RNF216: variants seen among roughly 807,000 people sequenced by gnomAD.
RNF216 encodes the protein E3 ubiquitin-protein ligase RNF216.
A neutral mutation model predicts 110.8 loss-of-function variants in RNF216; 72 were observed. The ratio of observed to expected loss-of-function variants is 0.65; its 90% CI spans 0.54 to 0.79. The LOEUF (loss-of-function observed/expected upper bound fraction) is 0.79, where lower values mean the gene tolerates loss of function less well. Ranked by LOEUF, RNF216 falls within the 30% of genes least tolerant of loss-of-function variation. The pLI, the probability that RNF216 is intolerant of heterozygous loss-of-function variation, is 0.00. For missense variants in RNF216, 1,342 were observed against 1,141.2 expected, an observed-to-expected ratio of 1.18 and a Z score of -2.54; for synonymous variants, 495 against 407.5, an observed-to-expected ratio of 1.21 and a Z score of -2.59.
intron 15 of RNF216, among the ~76,000 whole-genome samples, chr7:5,635,997 A>T (rs141666546): frequency 9.4e-4 from 143 of 152,338 alleles, no homozygotes; most frequent in African/African-American, 3.3e-3. Flanking sequence ...CTCGTAGCCA[A>T]AACCCAAGAC....
chr7:5,674,693 G>C (rs1790154245), intron 13 of RNF216, among the ~76,000 whole-genome samples: 1 of 151,960 alleles, frequency 6.6e-6, no homozygotes, highest in Admixed American at 6.6e-5. Flanking sequence ...TCCAAAAAGA[G>C]GTGACACTCA....
intron 1 of RNF216, chr7:5,777,353 G>C (rs955341531): frequency 2.0e-5 from 3 of 152,240 alleles, no homozygotes; most frequent in Non-Finnish European, 4.4e-5. Context: ...AACTGAAACA[G>C]AGCTCAGATT....
intron 13 of RNF216, among the ~76,000 whole-genome samples, chr7:5,686,708 T>C (rs1791008610): frequency 6.6e-6 from 1 of 152,240 alleles, no homozygotes; most frequent in African/African-American, 2.4e-5. Flanking sequence ...AATGACATAT[T>C]ACCTACAGAA....
chr7:5,652,316 C>T lies in RNF216; in HGVS notation c.2159+97G>A, dbSNP rs564385480. On this transcript the variant is annotated intron_variant, in intron 14 of 16. Coordinates refer to ENST00000389902, the MANE Select transcript of RNF216 (RefSeq NM_207111.4). ...TCACTCCAGACTGGGGTGGCTCAAG[C>T]GTGTTCTTCCGACAACAGTATGCCC... 49 of 859,104 alleles carry T rather than the reference C, an allele frequency of 5.7e-5. No homozygotes were observed. The East Asian group carries it at 1.0e-3, about 17-fold the overall frequency. 53.2% of individuals were successfully genotyped at this position (859,104 alleles called of 1,614,324 possible).
At chr7:5,677,557 C>T (rs1790381963) in intron 13 of RNF216, among the ~76,000 whole-genome samples, 2 of 152,216 alleles carry the variant, frequency 1.3e-5, no homozygotes, top group African/African-American at 4.8e-5. Flanking sequence ...ACAAAGGGAC[C>T]ATCCTAAGCA....
intron 13 of RNF216, among the ~76,000 whole-genome samples, chr7:5,676,696 C>T (rs1790320353): frequency 2.0e-5 from 3 of 152,206 alleles, no homozygotes; most frequent in Admixed American, 2.0e-4. Context: ...CCCCCTATGC[C>T]CCTATTCTTA....
intron 15 of RNF216, among the ~76,000 whole-genome samples, chr7:5,634,149 T>C (rs754828823): frequency 6.6e-6 from 1 of 152,192 alleles, no homozygotes; most frequent in Non-Finnish European, 1.5e-5. Flanking sequence ...TTTCCAACAC[T>C]TCTGGTCCCC....
In RNF216 at chr7:5,725,053, A is replaced by G. The variant is rs563185655; in HGVS notation, c.1504+271T>C. Among the ~76,000 whole-genome samples, 4 of 152,336 alleles carry G rather than the reference A, an allele frequency of 2.6e-5. No individual in the cohort carries two copies. The South Asian group carries it at 8.3e-4, about 32-fold the overall frequency. On this transcript the variant is annotated intron_variant, in intron 8 of 16. Transcript: ENST00000389902. The stretch of plus-strand genomic sequence containing the variant: ...AGTTTTTCCCCCCAAGCTTAACAGC[A>G]CACTCAAATACCTTCTCACACATGA...
chr7:5,706,109 A>G (rs960230433), intron 13 of RNF216, among the ~76,000 whole-genome samples: 3 of 151,532 alleles, frequency 2.0e-5, no homozygotes, highest in Non-Finnish European at 4.4e-5. Context: ...AGTCCCAGCT[A>G]TTCAGGAGGC....
Position 5,696,873 on chromosome 7 carries a change from T to C in RNF216, c.2061+14888A>G, listed in dbSNP as rs1791663213. 6.6e-6 allele frequency among the ~76,000 whole-genome samples: 1 copy of C among 152,172 alleles called. No homozygotes were observed. The highest frequency in any genetic ancestry group is 2.4e-5 in the African/African-American group (1 of 41,438). On this transcript the variant is annotated intron_variant, in intron 13 of 16. Transcript: ENST00000389902. The surrounding 1 kb of genome is among the most constrained non-coding windows in gnomAD (Gnocchi z 5.4). Reference sequence around the variant, plus strand: ...ACATTGGCAAGGTGTTCCAATTCCCTTGATATTCTATATCTGATCTCTCCC... The same window carrying C: ...ACATTGGCAAGGTGTTCCAATTCCCCTGATATTCTATATCTGATCTCTCCC...
intron 2 of RNF216, among the ~76,000 whole-genome samples, chr7:5,753,629 A>G (rs1795447238): frequency 6.6e-6 from 1 of 152,212 alleles, no homozygotes; most frequent in African/African-American, 2.4e-5. Flanking sequence ...GATATGAATT[A>G]CTGGGTAACA....
intron 13 of RNF216, among the ~76,000 whole-genome samples, chr7:5,660,286 T>TGAGA (rs1789026848): frequency 1.3e-5 from 1 of 79,110 alleles, no homozygotes; most frequent in African/African-American, 5.7e-5. Context: ...TTTTTTTTTT[T>TGAGA]TTTTTTTTTT....
intron 9 of RNF216, 88 bp downstream of exon 9, chr7:5,720,945 T>C: frequency 1.5e-6 from 2 of 1,301,656 alleles, no homozygotes; most frequent in Middle Eastern, 2.3e-4. Flanking sequence ...AAAAGGGAAA[T>C]CTTAAAAGAC....
At chr7:5,658,996 T>C (rs903389648) in intron 13 of RNF216, among the ~76,000 whole-genome samples, 15 of 152,056 alleles carry the variant, frequency 9.9e-5, no homozygotes, top group Non-Finnish European at 1.9e-4. Flanking sequence ...AGAAAGATGG[T>C]TGAGAAGCAA....
intron 1 of RNF216, among the ~76,000 whole-genome samples, chr7:5,762,519 A>G (rs1795987161): frequency 6.6e-6 from 1 of 151,408 alleles, no homozygotes; most frequent in South Asian, 2.1e-4. Context: ...AATAATAAAT[A>G]AATAAATAAT....
At chr7:5,634,260 C>T (rs542524737) in intron 15 of RNF216, among the ~76,000 whole-genome samples, 1 of 146,994 alleles carries the variant, frequency 6.8e-6, no homozygotes, top group Non-Finnish European at 1.5e-5. Context: ...CCTTAGAAAG[C>T]TGACTGGGAA....
intron 13 of RNF216, among the ~76,000 whole-genome samples, chr7:5,662,974 C>G (rs1333282489): frequency 6.6e-6 from 1 of 152,078 alleles, no homozygotes; most frequent in Admixed American, 6.6e-5. Flanking sequence ...AGCACCCACA[C>G]CCCCTATGCC....
chr7:5,725,614 G>T (rs967769487), intron 7 of RNF216, among the ~76,000 whole-genome samples, 176 bp from the exon 8 acceptor site: 1 of 152,198 alleles, frequency 6.6e-6, no homozygotes, highest in Non-Finnish European at 1.5e-5. Context: ...ACTTTGGGAG[G>T]CCAAGTGGGC....
intron 8 of RNF216, among the ~76,000 whole-genome samples, chr7:5,724,932 A>C (rs866006061): frequency 5.3e-5 from 8 of 152,240 alleles, no homozygotes; most frequent in Admixed American, 3.3e-4. Flanking sequence ...CCATTCTCTC[A>C]GTTGCATAAG....
Sources: gnomAD v4.1 joint callset for allele counts (sites outside exome capture counted in the v4.1 genomes callset) on GRCh38, gnomAD v4.1.1 for gene constraint, Gnocchi (gnomAD v3.1) non-coding constraint, MANE v1.5 for transcripts, NCBI Gene and HGNC (gene_info 2026-07-23, HGNC 2026-07-21) for gene names.